EYS: variants seen among roughly 807,000 people sequenced by gnomAD.
EYS encodes the protein EGF-like photoreceptor maintenance factor, also known as protein eyes shut homolog.
A neutral mutation model predicts 282.1 loss-of-function variants in EYS; 250 were observed. The observed-to-expected ratio is 0.89, with a 90% CI of 0.80 to 0.98. EYS has a LOEUF of 0.98. Among genes scored for constraint, EYS ranks in the 50% least tolerant of loss-of-function variants. The pLI, the probability that EYS is intolerant of heterozygous loss-of-function variation, is 0.00. For synonymous variants in EYS, 1,355 were observed against 1,282.9 expected, an observed-to-expected ratio of 1.06 and a Z score of -1.20; for missense variants, 4,016 against 3,709.0, an observed-to-expected ratio of 1.08 and a Z score of -2.15.
intron 26 of EYS, among the ~76,000 whole-genome samples, chr6:64,546,787 G>T (rs1461359107): frequency 6.6e-6 from 1 of 152,156 alleles, no homozygotes; most frequent in Non-Finnish European, 1.5e-5. Flanking sequence ...CATCATCACT[G>T]GCCATCAGAG....
intron 8 of EYS, among the ~76,000 whole-genome samples, chr6:65,356,310 A>C (rs1764486695): frequency 6.6e-6 from 1 of 152,010 alleles, no homozygotes; most frequent in Admixed American, 6.6e-5. Context: ...TTTTTAAACT[A>C]AGAATATCAG....
chr6:63,944,164 C>T (rs960570428), intron 35 of EYS, among the ~76,000 whole-genome samples: 1 of 152,160 alleles, frequency 6.6e-6, no homozygotes, highest in Admixed American at 6.5e-5. Flanking sequence ...CTGTCCCTCA[C>T]AGCCAAAATA....
At chr6:64,407,225 A>T (rs868756306) in intron 28 of EYS, among the ~76,000 whole-genome samples, 11 of 151,538 alleles carry the variant, frequency 7.3e-5, no homozygotes, top group South Asian at 2.1e-4. Context: ...GCATGTTCTC[A>T]CTCATAAGTG....
chr6:64,129,717 C>T (rs893931616), intron 31 of EYS, among the ~76,000 whole-genome samples: 8 of 152,134 alleles, frequency 5.3e-5, no homozygotes, highest in African/African-American at 1.9e-4. Flanking sequence ...TGCCTATGTC[C>T]TGAATGGTAT....
intron 12 of EYS, among the ~76,000 whole-genome samples, chr6:65,164,852 T>G (rs1211868587): frequency 6.6e-6 from 1 of 151,240 alleles, no homozygotes; most frequent in Non-Finnish European, 1.5e-5. Flanking sequence ...GTCTCTGCCT[T>G]CATCTTCATA....
At chr6:63,922,283 C>T (rs1467502277) in intron 35 of EYS, among the ~76,000 whole-genome samples, 3 of 152,122 alleles carry the variant, frequency 2.0e-5, no homozygotes, top group Admixed American at 1.3e-4. Context: ...TCAGGTCTTG[C>T]CTGGTACAGT....
chr6:65,111,611 G>T (rs749661542), intron 12 of EYS, among the ~76,000 whole-genome samples: 1 of 152,078 alleles, frequency 6.6e-6, no homozygotes, highest in Non-Finnish European at 1.5e-5. Context: ...CTATTGGGAC[G>T]CCAAGGCAGG....
intron 22 of EYS, among the ~76,000 whole-genome samples, chr6:64,629,978 C>T (rs2149860023): frequency 6.6e-6 from 1 of 152,266 alleles, no homozygotes; most frequent in South Asian, 2.1e-4. Context: ...TGTATCAAAT[C>T]TGAAGGAGAA....
At chr6:65,234,182 C>A (rs561053869) in intron 12 of EYS, among the ~76,000 whole-genome samples, 21 of 152,292 alleles carry the variant, frequency 1.4e-4, no homozygotes, top group Non-Finnish European at 2.8e-4. Context: ...CTGCAGAGCT[C>A]TTTGTCATAC....
chr6:63,949,513 C>T (rs893230421), intron 35 of EYS, among the ~76,000 whole-genome samples: 1 of 152,168 alleles, frequency 6.6e-6, no homozygotes, highest in Non-Finnish European at 1.5e-5. Context: ...TCCTAAAGCT[C>T]ATATCTTAGA....
chr6:65,152,633 T>C (rs750468157), intron 12 of EYS, among the ~76,000 whole-genome samples: 6 of 151,922 alleles, frequency 3.9e-5, no homozygotes, highest in Non-Finnish European at 7.4e-5. Flanking sequence ...CTTTGCTATT[T>C]AAGCCATTAG....
chr6:64,514,747 T>C (rs1419204081), intron 26 of EYS, among the ~76,000 whole-genome samples: 1 of 151,764 alleles, frequency 6.6e-6, no homozygotes, highest in Non-Finnish European at 1.5e-5. Flanking sequence ...CTGTCTAATA[T>C]AGCATCATAA....
intron 15 of EYS, among the ~76,000 whole-genome samples, chr6:64,931,001 G>A (rs1768705465): frequency 6.6e-6 from 1 of 152,144 alleles, no homozygotes; most frequent in Admixed American, 6.6e-5. Context: ...CAGAAGGCAG[G>A]TTGCAGTCAG....
intron 13 of EYS, among the ~76,000 whole-genome samples, chr6:65,057,008 T>G (rs554967987): frequency 2.0e-5 from 3 of 152,108 alleles, no homozygotes; most frequent in African/African-American, 7.2e-5. Flanking sequence ...TTAAAAAAAA[T>G]CTAAATTAAT....
chr6:65,086,836 T>C (rs1774391466), intron 12 of EYS, among the ~76,000 whole-genome samples: 1 of 152,070 alleles, frequency 6.6e-6, no homozygotes, highest in African/African-American at 2.4e-5. Flanking sequence ...ATGTGGGTTT[T>C]TTTTTTTTAA....
rs111706915 is a variant in EYS, at chr6:64,899,085, C to T, written c.2846+3028G>A. Among the ~76,000 whole-genome samples the T allele has an allele frequency of 2.9e-3, 442 of 152,182 alleles. 1 individual carries two copies. Among genetic ancestry groups the T allele is most frequent in the Admixed American group, 4.8e-3 (73 of 15,286 alleles). ...TTAACAAGGACATTCAGGACTTGAA[C>T]GCAACTCTGGACCAAGTGGACCTAA... On this transcript the variant is annotated intron_variant, in intron 18 of 42. Coordinates refer to ENST00000503581, the MANE Select transcript of EYS (RefSeq NM_001142800.2).
In EYS at chr6:65,251,465, A is replaced by AG. The variant is rs1246630096; in HGVS notation, c.2023+44397_2023+44398insC. On this transcript the variant is annotated intron_variant, in intron 12 of 42. Transcript: ENST00000503581. ...TCCTAGGATTTCCAAACAAAAAAAAACAACAAAAATGAAATCTATTTATTT... is the reference window on the plus strand; with the variant it reads ...TCCTAGGATTTCCAAACAAAAAAAAAGCAACAAAAATGAAATCTATTTATTT... Among the ~76,000 whole-genome samples, 3 of 151,524 alleles carry AG rather than the reference A, an allele frequency of 2.0e-5. No homozygotes were observed. The East Asian group carries it at 5.8e-4, about 29-fold the overall frequency.
chr6:65,649,020 C>CCT (rs1370801538), intron 1 of EYS, among the ~76,000 whole-genome samples: 1 of 151,510 alleles, frequency 6.6e-6, no homozygotes, highest in African/African-American at 2.4e-5. Flanking sequence ...GTGGCACACA[C>CCT]CTGTAGTCTC....
intron 12 of EYS, among the ~76,000 whole-genome samples, chr6:65,095,556 A>T (rs998195501): frequency 6.6e-6 from 1 of 151,178 alleles, no homozygotes; most frequent in Admixed American, 6.6e-5. Flanking sequence ...ATGAATATAC[A>T]CAAATTTTAC....
Sources: allele counts gnomAD v4.1 joint callset (sites outside exome capture counted in the v4.1 genomes callset), GRCh38; gene constraint gnomAD v4.1.1; transcripts MANE v1.5; gene names NCBI Gene and HGNC (gene_info 2026-07-23, HGNC 2026-07-21).